CSMD3: variants seen among roughly 807,000 people sequenced by gnomAD.
CSMD3 encodes the protein CUB and Sushi multiple domains 3.
CSMD3 carries 177 observed loss-of-function variants against 435.2 expected under a neutral mutation model. That is an observed-to-expected ratio of 0.41 (90% confidence interval 0.36 to 0.46). CSMD3 has a LOEUF of 0.46. CSMD3 is among the 20% of genes least tolerant of loss of function. CSMD3 has a pLI of 0.34. For missense variants in CSMD3, 4,265 were observed against 4,504.6 expected, an observed-to-expected ratio of 0.95 and a Z score of 1.52; for synonymous variants, 1,656 against 1,520.5, an observed-to-expected ratio of 1.09 and a Z score of -2.07.
chr8:112,248,268 G>T (rs946431776), intron 63 of CSMD3, among the ~76,000 whole-genome samples: 6 of 151,908 alleles, frequency 3.9e-5, no homozygotes. Context: ...TAAATTATAG[G>T]CATGATGACT....
chr8:112,255,427 G>A lies in CSMD3; in HGVS notation c.9863C>T (p.Pro3288Leu), dbSNP rs2130280703. 6.2e-7 allele frequency: 1 copy of A among 1,613,428 alleles called. No individual in the cohort carries two copies. The highest frequency in any genetic ancestry group is 2.2e-5 in the East Asian group (1 of 44,838). ...TWSGEVPQCL[P>L]KFCGDPGIPA... ...TATACCAGGGTCACCACAAAACTTT[G>A]CTGGAAATGAAAAGAAAGACGCTTA... is the stretch of plus-strand genomic sequence containing the variant. Residue 3288 changes from proline (P) to leucine (L), a missense_variant and splice_region_variant, in exon 62 of 71, where the codon CCA becomes CTA. Physicochemically the swap from Pro to Leu is moderately conservative, Grantham distance 98. Transcript: ENST00000297405.
At chr8:113,362,722 C>G (rs966897454) in intron 1 of CSMD3, among the ~76,000 whole-genome samples, 1 of 152,140 alleles carries the variant, frequency 6.6e-6, no homozygotes, top group East Asian at 1.9e-4. Context: ...GATAACTGTC[C>G]CCACTCAATA....
chr8:113,102,873 T>C (rs1410665502), intron 4 of CSMD3, among the ~76,000 whole-genome samples: 1 of 152,118 alleles, frequency 6.6e-6, no homozygotes, highest in East Asian at 1.9e-4. Context: ...AAAGTGTTTT[T>C]AGTGGGGATG....
chr8:112,516,962 C>A, intron 28 of CSMD3, 72 bp downstream of exon 28: 1 of 1,201,784 alleles, frequency 8.3e-7, no homozygotes, highest in Non-Finnish European at 1.2e-6. Flanking sequence ...GAATATGGTT[C>A]TTAAGAACAA....
chr8:112,515,087 A>C (rs1199906103), intron 28 of CSMD3, among the ~76,000 whole-genome samples: 1 of 152,024 alleles, frequency 6.6e-6, no homozygotes, highest in Non-Finnish European at 1.5e-5. Context: ...GCTAAAGCAT[A>C]TTCTTGTCTA....
At chr8:113,125,847 G>T (rs945550578) in intron 4 of CSMD3, among the ~76,000 whole-genome samples, 1 of 151,842 alleles carries the variant, frequency 6.6e-6, no homozygotes, top group African/African-American at 2.4e-5. Flanking sequence ...ATGGAACAAA[G>T]AAACTTCTTT....
At chr8:112,447,242 A>G (rs1815709406) in intron 32 of CSMD3, among the ~76,000 whole-genome samples, 1 of 152,068 alleles carries the variant, frequency 6.6e-6, no homozygotes, top group African/African-American at 2.4e-5. Context: ...CTGAAGTCTT[A>G]TATTTTTAAA....
intron 3 of CSMD3, among the ~76,000 whole-genome samples, chr8:113,206,545 A>G (rs1436643590): frequency 6.6e-6 from 1 of 151,706 alleles, no homozygotes; most frequent in East Asian, 1.9e-4. Flanking sequence ...TTTTTTCTGT[A>G]TATTCTTCTC....
At chr8:112,432,104 G>GAA in intron 32 of CSMD3, among the ~76,000 whole-genome samples, 1 of 147,730 alleles carries the variant, frequency 6.8e-6, no homozygotes, top group East Asian at 2.0e-4. Context: ...TCCTACAGGT[G>GAA]AAAAAAAAAA....
chr8:112,848,602 A>T (rs903369289), intron 11 of CSMD3, among the ~76,000 whole-genome samples: 1 of 152,108 alleles, frequency 6.6e-6, no homozygotes, highest in African/African-American at 2.4e-5. Context: ...AGCATATATA[A>T]TTCCTTAAAC....
intron 15 of CSMD3, among the ~76,000 whole-genome samples, chr8:112,683,789 G>C (rs950016628): frequency 2.0e-5 from 3 of 151,728 alleles, no homozygotes; most frequent in Non-Finnish European, 4.4e-5. Flanking sequence ...TCATCACTTT[G>C]ATGCTGGTTA....
At chr8:112,859,309 T>C (rs745408091) in intron 10 of CSMD3, 43 bp from the exon 11 acceptor site, 7 of 1,550,276 alleles carry the variant, frequency 4.5e-6, no homozygotes, top group Non-Finnish European at 3.6e-6. Context: ...ATATGTCACA[T>C]GTAAAATTAC....
At chr8:112,872,821 G>C (rs16884176) in intron 10 of CSMD3, among the ~76,000 whole-genome samples, 24 of 151,922 alleles carry the variant, frequency 1.6e-4, no homozygotes, top group Non-Finnish European at 3.1e-4. Context: ...TAAGAGGTGA[G>C]ATAGAATGAT....
chr8:112,327,262 G>A (rs1432056310), intron 45 of CSMD3, among the ~76,000 whole-genome samples: 1 of 151,988 alleles, frequency 6.6e-6, no homozygotes, highest in Admixed American at 6.6e-5. Flanking sequence ...ATATGCTTTG[G>A]TTACTCAGGA....
intron 5 of CSMD3, among the ~76,000 whole-genome samples, chr8:113,098,035 T>A (rs1202131667): frequency 6.6e-6 from 1 of 151,986 alleles, no homozygotes; most frequent in African/African-American, 2.4e-5. Context: ...TTCAAATCAA[T>A]CTCTTCATTT....
chr8:113,153,306 AGCCTGAG>A (rs1184553952), intron 4 of CSMD3, among the ~76,000 whole-genome samples: 4 of 151,964 alleles, frequency 2.6e-5, no homozygotes, highest in African/African-American at 9.7e-5. Flanking sequence ...CTTCCTTTTC[AGCCTGAG>A]GCACTTTCTT....
Position 113,245,493 on chromosome 8 carries a change from A to G in CSMD3, c.514+33099T>C, listed in dbSNP as rs200175267. On this transcript the variant is annotated intron_variant, in intron 3 of 70. Transcript: ENST00000297405. ...AATAATTTATCTTGAATTAATACCA[A>G]TTTATTTTCAGTAATATATAAAAAA... 3.9e-5 allele frequency among the ~76,000 whole-genome samples: 6 copies of G among 152,096 alleles called. No individual in the cohort carries two copies. The East Asian group carries it at 1.2e-3, about 29-fold the overall frequency.
intron 1 of CSMD3, among the ~76,000 whole-genome samples, chr8:113,406,925 C>T (rs919713509): frequency 6.6e-6 from 1 of 151,956 alleles, no homozygotes; most frequent in African/African-American, 2.4e-5. Flanking sequence ...TTTATGGTAG[C>T]CTGCATAATG....
At chr8:112,526,440 C>T (rs1824974781) in intron 27 of CSMD3, among the ~76,000 whole-genome samples, 1 of 151,834 alleles carries the variant, frequency 6.6e-6, no homozygotes, top group Admixed American at 6.6e-5. Flanking sequence ...CCCACAAACA[C>T]ACACCACTTA....
Sources: allele counts gnomAD v4.1 joint callset (sites outside exome capture counted in the v4.1 genomes callset), GRCh38; gene constraint gnomAD v4.1.1; transcripts MANE v1.5; gene names NCBI Gene and HGNC (gene_info 2026-07-23, HGNC 2026-07-21).